Variants in CLTC observed in about 807,000 individuals in gnomAD.
The protein encoded by CLTC is clathrin heavy chain 1.
CLTC carries 16 observed loss-of-function variants against 195.8 expected under a neutral mutation model. That is an observed-to-expected ratio of 0.08 (90% CI 0.06 to 0.12). The LOEUF (loss-of-function observed/expected upper bound fraction) is 0.12, where lower values mean the gene tolerates loss of function less well. CLTC is among the 10% of genes least tolerant of loss of function. CLTC has a pLI of 1.00. For synonymous variants in CLTC, 667 were observed against 689.4 expected (o/e 0.97, Z 0.51); for missense variants, 796 against 2,027.0 (o/e 0.39, Z 11.66).
At chr17:59,673,140 G>A (rs2032890815) in intron 14 of CLTC, among the ~76,000 whole-genome samples, 1 of 151,800 alleles carries the variant, frequency 6.6e-6, no homozygotes, top group Non-Finnish European at 1.5e-5. Context: ...ATGGCCACAT[G>A]TGGTCACCAT....
At position 59,648,104 on chromosome 17, in the gene CLTC, C is replaced by G; in HGVS notation, c.520-136C>G. The G allele has an allele frequency of 1.2e-6, 1 of 809,140 alleles. No homozygotes were observed. 50.1% of individuals were successfully genotyped at this position (809,140 alleles called of 1,614,324 possible). A position where few individuals can be genotyped will look rare whatever the true frequency, so the allele number is the denominator to read the frequency against. On this transcript the variant is annotated intron_variant, in intron 3 of 31. Coordinates refer to ENST00000269122, the MANE Select transcript of CLTC (RefSeq NM_004859.4). This position sits in a 1 kb window ranked among gnomAD's most constrained non-coding sequence, Gnocchi z 4.5. ...TTTAAGTTAAGAAGTATCAAATCTA[C>G]AGTGAGAGATGAAGTGACAAATAAT...
intron 5 of CLTC, among the ~76,000 whole-genome samples, chr17:59,652,873 G>A (rs1045256750): frequency 2.0e-5 from 3 of 152,200 alleles, no homozygotes; most frequent in African/African-American, 7.2e-5. Context: ...TGACTTCTCT[G>A]TAGAGAAAAT....
rs948202151 is a variant in CLTC at position 59,695,059 on chromosome 17, T to C, written c.*1207T>C. ...TTTTTATCGAAGCATTTCACTTAAA[T>C]GAACAAATCATGGCTGTTATATTAA... On this transcript the variant is annotated 3_prime_UTR_variant, in exon 32 of 32. Transcript: ENST00000269122. 1.4e-5 allele frequency: 3 copies of C among 209,228 alleles called. No individual in the cohort carries two copies. Among genetic ancestry groups the C allele is most frequent in the Non-Finnish European group, 2.9e-5 (3 of 102,710 alleles). The allele number at this position is 209,228 out of a possible 1,614,324, so 13.0% of individuals were successfully genotyped here. A position where few individuals can be genotyped will look rare whatever the true frequency, so the allele number is the denominator to read the frequency against.
chr17:59,672,357 CAG>C (rs774197059), intron 14 of CLTC, among the ~76,000 whole-genome samples: 97 of 152,008 alleles, frequency 6.4e-4, no homozygotes, highest in Non-Finnish European at 1.3e-3. Flanking sequence ...TGCATGAAAA[CAG>C]AATAAGTAAT....
In CLTC at chr17:59,619,943, C is replaced by T. The variant is rs2031301444; in HGVS notation, c.-189C>T. 1 of 581,984 alleles carries T rather than the reference C, an allele frequency of 1.7e-6. No homozygotes were observed. The highest frequency in any genetic ancestry group is 3.1e-6 in the Non-Finnish European group (1 of 326,242). The allele number at this position is 581,984 out of a possible 1,614,324, so 36.1% of individuals were successfully genotyped here. A position where few individuals can be genotyped will look rare whatever the true frequency, so the allele number is the denominator to read the frequency against. ...CGCCCGGTTCCGCCATTGCGGCTCT[C>T]CTGGCCCCTGGAGCCTCCGCCCCCG... On this transcript the variant is annotated 5_prime_UTR_variant, in exon 1 of 32. Transcript: ENST00000269122.
chr17:59,673,521 C>T, intron 14 of CLTC, 126 bp from the exon 15 acceptor site: 1 of 679,348 alleles, frequency 1.5e-6, no homozygotes, highest in Non-Finnish European at 2.5e-6. Context: ...GACATTCTTT[C>T]TTTAACAGAA....
rs1167414171 is a variant in CLTC at position 59,620,045 on chromosome 17, C to T, written c.-87C>T. 5 of 1,244,682 alleles carry T rather than the reference C, an allele frequency of 4.0e-6. No homozygotes were observed. In the African/African-American group the frequency reaches 4.4e-5, roughly 11 times the overall value. 77.1% of individuals were successfully genotyped at this position (1,244,682 alleles called of 1,614,324 possible). On this transcript the variant is annotated 5_prime_UTR_variant, in exon 1 of 32. Coordinates refer to ENST00000269122, the MANE Select transcript of CLTC (RefSeq NM_004859.4). ...CTGCTGAGCCCAGCCTCCCCCCTCC[C>T]CTTCTCCTCCTCTCCCTTGGAGAGC...
At chr17:59,654,138 A>G (rs1483730776) in intron 5 of CLTC, among the ~76,000 whole-genome samples, 1 of 151,878 alleles carries the variant, frequency 6.6e-6, no homozygotes, top group Non-Finnish European at 1.5e-5. Context: ...TGGCTGGGAT[A>G]CAGACACATA....
intron 30 of CLTC, chr17:59,689,273 A>G (rs939461908): frequency 9.2e-5 from 14 of 152,322 alleles, no homozygotes; most frequent in Non-Finnish European, 1.5e-4. Context: ...GGTATTTAAT[A>G]TGAAACAATT....
chr17:59,660,343 G>C, intron 6 of CLTC, 48 bp from the exon 7 acceptor site: 1 of 1,521,432 alleles, frequency 6.6e-7, no homozygotes, highest in African/African-American at 1.4e-5. Context: ...GGTATCATTT[G>C]TATCCAAATG....
At chr17:59,653,208 T>C (rs1429734401) in intron 5 of CLTC, among the ~76,000 whole-genome samples, 1 of 151,732 alleles carries the variant, frequency 6.6e-6, no homozygotes, top group Non-Finnish European at 1.5e-5. Flanking sequence ...TTATTTTTTT[T>C]TTTGAGACAG....
rs895339311 is a variant in CLTC at position 59,664,625 on chromosome 17, C to T, written c.1522-162C>T. ...TTATAAAAATTGACAGATGTTTGTT[C>T]AAATATGTCATCACCAAGGTCTAAC... On this transcript the variant is annotated intron_variant, in intron 9 of 31. Coordinates refer to ENST00000269122, the MANE Select transcript of CLTC (RefSeq NM_004859.4). 40 of 533,568 alleles carry T rather than the reference C, an allele frequency of 7.5e-5. 1 individual carries two copies. In the South Asian group the frequency reaches 1.6e-3, roughly 21 times the overall value. 33.1% of individuals were successfully genotyped at this position (533,568 alleles called of 1,614,324 possible).
chr17:59,672,294 C>G (rs2032864842), intron 14 of CLTC, among the ~76,000 whole-genome samples: 1 of 151,970 alleles, frequency 6.6e-6, no homozygotes, highest in Admixed American at 6.6e-5. Context: ...TTTTGGAATA[C>G]AGTTAGTATT....
At chr17:59,676,593 A>G (rs1001836645) in intron 16 of CLTC, among the ~76,000 whole-genome samples, 3 of 152,148 alleles carry the variant, frequency 2.0e-5, no homozygotes, top group African/African-American at 7.2e-5. Flanking sequence ...AGCCTTATAT[A>G]CCTTCTTTTT....
At chr17:59,693,043 T>C (rs1171324655) in intron 31 of CLTC, among the ~76,000 whole-genome samples, 1 of 152,186 alleles carries the variant, frequency 6.6e-6, no homozygotes, top group Non-Finnish European at 1.5e-5. Context: ...AATCAGAAAT[T>C]TAAATGTAAC....
intron 30 of CLTC, 50 bp from the exon 31 acceptor site, chr17:59,690,586 G>A: frequency 7.5e-7 from 1 of 1,336,902 alleles, no homozygotes; most frequent in Non-Finnish European, 1.1e-6. Context: ...CATAAACCTA[G>A]GTTTATAATA....
Position 59,681,212 on chromosome 17 carries a change from C to T in CLTC, c.3066-83C>T. ...CCTACCCTACCTCTTGAGACAAAAA[C>T]CTCTCCGTTAGTCACAGTGGTTATT... On this transcript the variant is annotated intron_variant, in intron 19 of 31. Transcript: ENST00000269122. The surrounding 1 kb of genome is among the most constrained non-coding windows in gnomAD (Gnocchi z 5.0). The T allele has an allele frequency of 6.8e-7, 1 of 1,480,558 alleles. No individual in the cohort carries two copies. Among genetic ancestry groups the T allele is most frequent in the Non-Finnish European group, 9.2e-7 (1 of 1,091,814 alleles). The allele number at this position is 1,480,558 out of a possible 1,614,324, so 91.7% of individuals were successfully genotyped here.
intron 30 of CLTC, among the ~76,000 whole-genome samples, chr17:59,686,795 C>T (rs959818866): frequency 6.6e-6 from 1 of 152,168 alleles, no homozygotes; most frequent in African/African-American, 2.4e-5. Context: ...TTCTTTCATA[C>T]TGTAGCATAA....
Position 59,685,217 on chromosome 17 carries a change from C to A in CLTC, c.4596C>A (p.Ser1532Arg). Residue 1532 changes from serine (S) to arginine (R), a missense_variant, in exon 29 of 32, where the codon AGC (serine) becomes AGA (arginine). By Grantham distance (110) the Ser-to-Arg change is moderately radical. Transcript: ENST00000269122. This position sits in a 1 kb window ranked among gnomAD's most constrained non-coding sequence, Gnocchi z 5.0. ...GTGTAGAGCTGTGCAAGAAAGACAG[C>A]CTTTACAAGGTTGATAAAGTTGCGG... ...KQSVELCKKD[S>R]LYKDAMQYAS... 6.3e-7 allele frequency: 1 copy of A among 1,586,912 alleles called. No individual in the cohort carries two copies. The highest frequency in any genetic ancestry group is 8.6e-7 in the Non-Finnish European group (1 of 1,162,730).
Sources: gnomAD v4.1 joint callset for allele counts (sites outside exome capture counted in the v4.1 genomes callset) on GRCh38, gnomAD v4.1.1 for gene constraint, Gnocchi (gnomAD v3.1) non-coding constraint, MANE v1.5 for transcripts, NCBI Gene and HGNC (gene_info 2026-07-23, HGNC 2026-07-21) for gene names.